The following ZNF442 variants were observed in gnomAD, a reference collection of about 807,000 sequenced individuals.
ZNF442 encodes zinc finger protein 442.
In ZNF442, 45 loss-of-function variants were observed where a neutral mutation model predicts 57.0. The observed-to-expected ratio is 0.79, with a 90% CI of 0.62 to 1.01. ZNF442 has a LOEUF of 1.01. Among genes scored for constraint, ZNF442 ranks in the 50% least tolerant of loss-of-function variants. The pLI, the probability that ZNF442 is intolerant of heterozygous loss-of-function variation, is 0.00. For synonymous variants in ZNF442, 213 were observed against 241.8 expected (o/e 0.88, Z 1.10); for missense variants, 690 against 756.5 (o/e 0.91, Z 1.03).
At chr19:12,360,999 C>T (rs1969416208) in intron 3 of ZNF442, among the ~76,000 whole-genome samples, 1 of 152,130 alleles carries the variant, frequency 6.6e-6, no homozygotes, top group Non-Finnish European at 1.5e-5. Flanking sequence ...CAAGACCAGC[C>T]TGATCAACAT....
In ZNF442 at chr19:12,351,329, T is replaced by G; in HGVS notation, c.267-11A>C. 1 of 1,598,408 alleles carries G rather than the reference T, an allele frequency of 6.3e-7. No homozygotes were observed. Among genetic ancestry groups the G allele is most frequent in the Non-Finnish European group, 8.5e-7 (1 of 1,172,398 alleles). On this transcript the variant is annotated splice_polypyrimidine_tract_variant and intron_variant, in intron 5 of 5. Transcript: ENST00000242804. Reference sequence around the variant, plus strand: ...TCTATGATATGACATCTGTAAAACATGAGAAGTATATTAATAAAGGTTTAT... The same window carrying G: ...TCTATGATATGACATCTGTAAAACAGGAGAAGTATATTAATAAAGGTTTAT...
chr19:12,349,723 G>A lies in ZNF442; in HGVS notation c.1862C>T (p.Thr621Ile). The A allele has an allele frequency of 3.1e-6, 5 of 1,609,624 alleles. No individual in the cohort carries two copies. The highest frequency in any genetic ancestry group is 4.2e-6 in the Non-Finnish European group (5 of 1,177,968). ...SLSSLHRHKR[T>I]HWRDTL The stretch of plus-strand genomic sequence containing the variant: ...CATTTATAGAGTATCTCTCCAGTGA[G>A]TCCTTTTATGTCTATGCAAGGAACT... Residue 621 changes from threonine (T) to isoleucine (I), a missense_variant, in exon 6 of 6, where the codon ACT becomes ATT. Coordinates refer to ENST00000242804, the MANE Select transcript of ZNF442 (RefSeq NM_030824.3).
chr19:12,370,034 A>C (rs1178385112), upstream of ZNF442, among the ~76,000 whole-genome samples: 1 of 151,974 alleles, frequency 6.6e-6, no homozygotes, highest in South Asian at 2.1e-4. Context: ...CTAGTTTCTT[A>C]GAAGATAATT....
At chr19:12,355,227 C>T (rs896417892) in intron 3 of ZNF442, among the ~76,000 whole-genome samples, 2 of 143,768 alleles carry the variant, frequency 1.4e-5, no homozygotes, top group African/African-American at 5.2e-5. Flanking sequence ...AGAGGCGGAG[C>T]TTGCAGTGAG....
At chr19:12,362,659 T>C (rs1969454690) in intron 3 of ZNF442, among the ~76,000 whole-genome samples, 1 of 138,134 alleles carries the variant, frequency 7.2e-6, no homozygotes, top group Non-Finnish European at 1.5e-5. Flanking sequence ...GGCCGCCCCG[T>C]CTGGGAGGTG....
At chr19:12,363,409 A>AC (rs1372266785) in intron 3 of ZNF442, 145 bp downstream of exon 3, 1 of 702,478 alleles carries the variant, frequency 1.4e-6, no homozygotes, top group African/African-American at 1.8e-5. Flanking sequence ...GACATTAGTC[A>AC]CCCCCATCTG....
the ZNF442 span, chr19:12,373,755 C>A: frequency 4.9e-6 from 1 of 202,308 alleles, no homozygotes; most frequent in Non-Finnish European, 1.1e-5. Context: ...AAAGGGTTAT[C>A]CAAAGCACCT....
rs1240678365 is a variant in ZNF442, at chr19:12,349,208, A to G, written c.*493T>C. 4 of 151,636 alleles carry G rather than the reference A, an allele frequency of 2.6e-5. No homozygotes were observed. The highest frequency in any genetic ancestry group is 5.9e-5 in the Non-Finnish European group (4 of 68,016). 9.4% of individuals were successfully genotyped at this position (151,636 alleles called of 1,614,324 possible). A position where few individuals can be genotyped will look rare whatever the true frequency, so the allele number is the denominator to read the frequency against. ...AAGAGTGAAACTCTGTCTTAAAAAA[A>G]AAAAAAAGAAAAAAAGAAACTGTAA... On this transcript the variant is annotated 3_prime_UTR_variant, in exon 6 of 6. Coordinates refer to ENST00000242804, the MANE Select transcript of ZNF442 (RefSeq NM_030824.3).
Position 12,350,227 on chromosome 19 carries a change from G to T in ZNF442, c.1358C>A (p.Thr453Lys), listed in dbSNP as rs761854119. The change falls in exon 6 of 6, where the codon ACA (threonine) becomes AAA (lysine). Residue 453 changes from threonine to lysine, a missense_variant. By Grantham distance (78) the Thr-to-Lys change is moderately conservative (BLOSUM62 -1). Transcript: ENST00000242804. The part of the protein sequence containing the change: ...RISSSLRRHE[T>K]THTGEKPYKC... The stretch of plus-strand genomic sequence containing the variant: ...ATAGGGTTTCTCTCCAGTGTGAGTT[G>T]TTTCATGTCTTCGAAGGGAACTAGA... The T allele has an allele frequency of 3.1e-6, 5 of 1,610,102 alleles. No individual in the cohort carries two copies. The highest frequency in any genetic ancestry group is 3.4e-6 in the Non-Finnish European group (4 of 1,178,724).
chr19:12,353,129 A>G lies in ZNF442; in HGVS notation c.79-15T>C, dbSNP rs1461114701. ...GCTACTGAATCCTGAAACACCCCAC[A>G]TGTACAAAGGAGTAAGGCTGAGACT... On this transcript the variant is annotated splice_polypyrimidine_tract_variant and intron_variant, in intron 3 of 5. Transcript: ENST00000242804. 1.9e-6 allele frequency: 3 copies of G among 1,603,948 alleles called. No homozygotes were observed. The highest frequency in any genetic ancestry group is 2.5e-6 in the Non-Finnish European group (3 of 1,176,990).
Position 12,351,174 on chromosome 19 carries a change from A to G in ZNF442, c.411T>C (p.Asp137=), listed in dbSNP as rs1208822035. The change falls in exon 6 of 6, where the codon GAT becomes GAC. Residue 137 remains aspartate, a synonymous_variant. Transcript: ENST00000242804. Reference sequence around the variant, plus strand: ...GACACTCATCTGGTTTGTGTCCAGCATCAAATGTGATATAGCAATTAAGGA... The same window carrying G: ...GACACTCATCTGGTTTGTGTCCAGCGTCAAATGTGATATAGCAATTAAGGA... ...CSFLNCYITF[D]AGHKPDECQE... 1.2e-6 allele frequency: 2 copies of G among 1,614,038 alleles called. No homozygotes were observed. The highest frequency in any genetic ancestry group is 1.7e-5 in the Admixed American group (1 of 60,000).
At position 12,352,027 on chromosome 19, in the gene ZNF442, A is replaced by G. The variant is rs770652214; in HGVS notation, c.249T>C (p.Asn83=). The part of the protein sequence containing the change: ...EDTNIEDQHR[N]PRRSLRCHII... ...CAAATTACCTTAGGCTCCTCCTGGGATTTCTGTGCTGATCTTCAATGTTTG... is the reference window on the plus strand; with the variant it reads ...CAAATTACCTTAGGCTCCTCCTGGGGTTTCTGTGCTGATCTTCAATGTTTG... The change falls in exon 5 of 6, where the codon AAT becomes AAC. Residue 83 remains asparagine, a synonymous_variant. Coordinates refer to ENST00000242804, the MANE Select transcript of ZNF442 (RefSeq NM_030824.3). 6.2e-7 allele frequency: 1 copy of G among 1,613,440 alleles called. No homozygotes were observed. The highest frequency in any genetic ancestry group is 8.5e-7 in the Non-Finnish European group (1 of 1,179,684).
At chr19:12,373,715 T>A in the ZNF442 span, 1 of 263,458 alleles carries the variant, frequency 3.8e-6, no homozygotes, top group Non-Finnish European at 7.9e-6. Context: ...GATGTAGGTT[T>A]CATTAAGTTG....
rs1969132540 is a variant in ZNF442 at position 12,346,520 on chromosome 19, A to C, written c.*3181T>G. On this transcript the variant is annotated 3_prime_UTR_variant, in exon 6 of 6. Transcript: ENST00000242804. ...GTAAAACATTGTAGCCACTTTGTAAAGCAATATACCTGTTCCTGAAAAAGG... is the reference window on the plus strand; with the variant it reads ...GTAAAACATTGTAGCCACTTTGTAACGCAATATACCTGTTCCTGAAAAAGG... The C allele has an allele frequency of 1.3e-5, 2 of 152,264 alleles. No individual in the cohort carries two copies. Among genetic ancestry groups the C allele is most frequent in the South Asian group, 4.1e-4 (2 of 4,832 alleles). The allele number at this position is 152,264 out of a possible 1,614,324, so 9.4% of individuals were successfully genotyped here.
intron 3 of ZNF442, among the ~76,000 whole-genome samples, chr19:12,354,142 G>T (rs1333524259): frequency 2.6e-5 from 4 of 152,176 alleles, no homozygotes; most frequent in African/African-American, 4.8e-5. Context: ...AGTCTCTAAT[G>T]AATGACATCC....
intron 3 of ZNF442, among the ~76,000 whole-genome samples, chr19:12,362,563 G>C (rs1328153986): frequency 6.7e-6 from 1 of 150,080 alleles, no homozygotes; most frequent in Non-Finnish European, 1.5e-5. Context: ...GCTCCCGCCC[G>C]GCCAGCCACC....
chr19:12,371,720 G>T, the ZNF442 span, among the ~76,000 whole-genome samples: 1 of 152,166 alleles, frequency 6.6e-6, no homozygotes, highest in Non-Finnish European at 1.5e-5. Flanking sequence ...TCAATAAATG[G>T]TTATGGTTTA....
intron 3 of ZNF442, among the ~76,000 whole-genome samples, chr19:12,353,809 G>A (rs1409056518): frequency 6.6e-6 from 1 of 152,118 alleles, no homozygotes; most frequent in East Asian, 1.9e-4. Flanking sequence ...AGAAAATCAA[G>A]ATTAATCCAT....
chr19:12,350,917 A>C lies in ZNF442; in HGVS notation c.668T>G (p.Leu223Ter). ...GTGAGTTCTTTCATGCATACGAAAT[A>C]AACTAGGCCAAAAAAAGGCTTTCCC... ...LCGKAFFWPS[L>*]FRMHERTHTG... The change falls in exon 6 of 6, where the codon TTA becomes TGA. Residue 223 changes from leucine to a stop codon, truncating the protein, a stop_gained. Transcript: ENST00000242804. LOFTEE classifies it high-confidence loss of function. The C allele has an allele frequency of 6.2e-7, 1 of 1,614,184 alleles. No individual in the cohort carries two copies. Among genetic ancestry groups the C allele is most frequent in the South Asian group, 1.1e-5 (1 of 91,086 alleles).
Sources: gnomAD v4.1 joint callset for allele counts (sites outside exome capture counted in the v4.1 genomes callset) on GRCh38, gnomAD v4.1.1 for gene constraint, MANE v1.5 for transcripts, NCBI Gene and HGNC (gene_info 2026-07-23, HGNC 2026-07-21) for gene names.